Variants in GPR107 observed in about 807,000 individuals in gnomAD.
The protein encoded by GPR107 is G protein-coupled receptor 107.
Under a neutral mutation model 75.5 loss-of-function variants are expected in GPR107, and 31 were observed. The ratio of observed to expected loss-of-function variants is 0.41; its 90% confidence interval spans 0.31 to 0.55. The LOEUF is 0.55. Among genes scored for constraint, GPR107 ranks in the 20% least tolerant of loss-of-function variants. The pLI is 0.26. For synonymous variants in GPR107, 267 were observed against 251.3 expected, an observed-to-expected ratio of 1.06 and a Z score of -0.59; for missense variants, 572 against 665.7, an observed-to-expected ratio of 0.86 and a Z score of 1.55.
At chr9:130,056,753 G>A (rs865992784) in intron 1 of GPR107, among the ~76,000 whole-genome samples, 10 of 150,752 alleles carry the variant, frequency 6.6e-5, no homozygotes, top group Admixed American at 2.6e-4. Context: ...GTGAAACCCC[G>A]TCTCTACTAA....
chr9:130,053,942 C>T lies in GPR107; in HGVS notation c.10C>T (p.Leu4=), dbSNP rs964508232. The change falls in exon 1 of 18, where the codon CTG becomes TTG. Residue 4 remains leucine (L), a synonymous_variant. Coordinates refer to ENST00000347136, the MANE Select transcript of GPR107 (RefSeq NM_020960.5). MAA[L]APVGSPASRG... is the part of the protein sequence containing the mutation. ...TGATGCTGGAACAAACATGGCCGCT[C>T]TGGCGCCCGTCGGCTCCCCCGCCTC... 4 of 1,556,974 alleles carry T rather than the reference C, an allele frequency of 2.6e-6. No homozygotes were observed. Among genetic ancestry groups the T allele is most frequent in the African/African-American group, 2.7e-5 (2 of 73,394 alleles).
In GPR107 at chr9:130,121,328, T is replaced by TAAA. The variant is rs528915281; in HGVS notation, c.1307-3583_1307-3581dup. On this transcript the variant is annotated intron_variant, in intron 14 of 17. Coordinates refer to ENST00000347136, the MANE Select transcript of GPR107 (RefSeq NM_020960.5). ...CTAACACTAACGATAGCTGATTAGC[T>TAAA]AAAAAAGAAAAATAAAATAATTGCA... 5.1e-3 allele frequency among the ~76,000 whole-genome samples: 773 copies of TAAA among 152,278 alleles called. 7 individuals are homozygous for TAAA. Among genetic ancestry groups the TAAA allele is most frequent in the African/African-American group, 0.018 (737 of 41,544 alleles).
chr9:130,063,188 A>G (rs1829973250), intron 1 of GPR107, among the ~76,000 whole-genome samples: 1 of 151,846 alleles, frequency 6.6e-6, no homozygotes, highest in Non-Finnish European at 1.5e-5. Context: ...ACATAAAAAT[A>G]TAACATGCTT....
chr9:130,127,681 C>T (rs142340143), intron 16 of GPR107, 115 bp downstream of exon 16: 9,114 of 631,358 alleles, frequency 0.014, 113 homozygotes, highest in Non-Finnish European at 0.021. Context: ...GACCTTCCAT[C>T]TCTTCTTTTT....
At chr9:130,121,058 G>A (rs971349285) in intron 14 of GPR107, 5 of 152,142 alleles carry the variant, frequency 3.3e-5, no homozygotes, top group Admixed American at 2.6e-4. Flanking sequence ...TTAGCTGGAC[G>A]CGATGGTGTG....
At chr9:130,070,296 C>G (rs1564661037) in intron 1 of GPR107, among the ~76,000 whole-genome samples, 1 of 151,790 alleles carries the variant, frequency 6.6e-6, no homozygotes, top group Non-Finnish European at 1.5e-5. Flanking sequence ...GCTATTACTC[C>G]TGGCTATTTA....
chr9:130,081,685 C>A (rs866709126), intron 5 of GPR107, among the ~76,000 whole-genome samples: 221 of 145,394 alleles, frequency 1.5e-3, no homozygotes, highest in African/African-American at 5.0e-3. Context: ...AAAAAAAAAA[C>A]AAAAAACAAA....
At chr9:130,056,357 G>A (rs904286381) in intron 1 of GPR107, among the ~76,000 whole-genome samples, 1 of 151,984 alleles carries the variant, frequency 6.6e-6, no homozygotes, top group Admixed American at 6.6e-5. Context: ...GGCTGAGGCA[G>A]GAGAATCGCT....
intron 14 of GPR107, among the ~76,000 whole-genome samples, chr9:130,116,948 ATT>A (rs10578715): frequency 0.088 from 12,113 of 137,674 alleles, 574 homozygotes; most frequent in East Asian, 0.15. Flanking sequence ...TTTGAAATGT[ATT>A]TTTTTTTTTT....
intron 12 of GPR107, among the ~76,000 whole-genome samples, chr9:130,102,707 A>T (rs752729531): frequency 6.6e-6 from 1 of 152,190 alleles, no homozygotes; most frequent in Non-Finnish European, 1.5e-5. Context: ...AACACTGGGA[A>T]CATTCTGTCT....
chr9:130,119,823 T>TTTTG lies in GPR107; in HGVS notation c.1307-5064_1307-5061dup, dbSNP rs145764411. Among the ~76,000 whole-genome samples, 150 of 150,534 alleles carry TTTTG rather than the reference T, an allele frequency of 1.0e-3. 2 individuals carry two copies. The East Asian group carries it at 0.011, about 11-fold the overall frequency. ...TGGGTTTTTATTTTTAGTCTGTTTT[T>TTTTG]TTTGTTTGTTTGTTTGTTTGTTTGT... On this transcript the variant is annotated intron_variant, in intron 14 of 17. Transcript: ENST00000347136.
At chr9:130,075,529 A>G in intron 1 of GPR107, 107 bp from the exon 2 acceptor site, 1 of 624,162 alleles carries the variant, frequency 1.6e-6, no homozygotes, top group Non-Finnish European at 2.9e-6. Context: ...TACAGGCTTG[A>G]GCCACCGTGC....
intron 14 of GPR107, among the ~76,000 whole-genome samples, chr9:130,111,219 G>A (rs12171695): frequency 0.95 from 144,470 of 152,116 alleles, 68,834 homozygotes; most frequent in East Asian, 1. Context: ...TAATGCTAGC[G>A]CTTTGGGAGG....
intron 14 of GPR107, among the ~76,000 whole-genome samples, chr9:130,122,605 G>A (rs1365710430): frequency 1.3e-5 from 2 of 152,164 alleles, no homozygotes; most frequent in African/African-American, 4.8e-5. Context: ...TTGTGCTTCG[G>A]TGCCCTTCTC....
At chr9:130,132,596 C>T (rs147180302) in intron 17 of GPR107, among the ~76,000 whole-genome samples, 37 of 152,160 alleles carry the variant, frequency 2.4e-4, no homozygotes, top group African/African-American at 6.0e-4. Context: ...AGACCAGTCT[C>T]GCCAACATGG....
chr9:130,107,880 G>T (rs1306227614), intron 14 of GPR107, among the ~76,000 whole-genome samples: 1 of 152,212 alleles, frequency 6.6e-6, no homozygotes, highest in Non-Finnish European at 1.5e-5. Flanking sequence ...GTGAGAACAG[G>T]AGGGATAATG....
intron 7 of GPR107, among the ~76,000 whole-genome samples, chr9:130,087,020 T>C (rs1256894689): frequency 6.6e-6 from 1 of 152,084 alleles, no homozygotes; most frequent in Non-Finnish European, 1.5e-5. Flanking sequence ...CTGGGTGTAT[T>C]GGACACCTCA....
At chr9:130,105,471 G>A (rs1363823279) in intron 13 of GPR107, among the ~76,000 whole-genome samples, 3 of 152,062 alleles carry the variant, frequency 2.0e-5, no homozygotes, top group African/African-American at 4.8e-5. Context: ...TGGCCAGGCT[G>A]GTCTCAAACT....
rs77279416 is a variant in GPR107, at chr9:130,074,812, A to AG, written c.142-822dup. Reference sequence around the variant, plus strand: ...CTTCATTCTTTATCCTGCCAATGGGAGGAGCCAGGTACACACAAATTGATA... The same window carrying AG: ...CTTCATTCTTTATCCTGCCAATGGGAGGGAGCCAGGTACACACAAATTGATA... On this transcript the variant is annotated intron_variant, in intron 1 of 17. Coordinates refer to ENST00000347136, the MANE Select transcript of GPR107 (RefSeq NM_020960.5). Among the ~76,000 whole-genome samples the AG allele has an allele frequency of 4.4e-4, 67 of 151,998 alleles. 1 individual carries two copies. The East Asian group carries it at 0.013, about 29-fold the overall frequency.
Sources: allele counts gnomAD v4.1 joint callset (sites outside exome capture counted in the v4.1 genomes callset), GRCh38; gene constraint gnomAD v4.1.1; transcripts MANE v1.5; gene names NCBI Gene and HGNC (gene_info 2026-07-23, HGNC 2026-07-21).